The following CA10 variants were observed in gnomAD, a reference collection of about 807,000 sequenced individuals.
CA10 encodes the protein carbonic anhydrase 10 (inactive), also known as carbonic anhydrase-related protein 10.
In CA10, 14 loss-of-function variants were observed where a neutral mutation model predicts 44.2. That is an observed-to-expected ratio of 0.32 (90% CI 0.21 to 0.50). CA10 has a LOEUF of 0.50. CA10 is among the 20% of genes least tolerant of loss of function. The pLI is 0.99. For missense variants in CA10, 350 were observed against 409.7 expected, an observed-to-expected ratio of 0.85 and a Z score of 1.26; for synonymous variants, 159 against 141.6, an observed-to-expected ratio of 1.12 and a Z score of -0.87.
chr17:51,751,501 G>A (rs1205403292), intron 3 of CA10, among the ~76,000 whole-genome samples: 1 of 152,212 alleles, frequency 6.6e-6, no homozygotes. Flanking sequence ...ACTAATATAT[G>A]TGATGGTCAC....
intron 3 of CA10, among the ~76,000 whole-genome samples, chr17:51,796,180 G>A (rs577296093): frequency 3.3e-5 from 5 of 152,152 alleles, no homozygotes; most frequent in Admixed American, 2.0e-4. Flanking sequence ...AGATGTTACC[G>A]ATGGAAAGCA....
chr17:51,850,014 G>A (rs1223476545), intron 3 of CA10, among the ~76,000 whole-genome samples: 1 of 152,200 alleles, frequency 6.6e-6, no homozygotes, highest in African/African-American at 2.4e-5. Flanking sequence ...TTCAAGGACA[G>A]GGAAATACAC....
chr17:51,818,555 T>C (rs1907652939), intron 3 of CA10, among the ~76,000 whole-genome samples: 1 of 152,232 alleles, frequency 6.6e-6, no homozygotes, highest in African/African-American at 2.4e-5. Flanking sequence ...ACTAGAACTC[T>C]GATCCTTGGT....
chr17:51,747,389 G>C (rs1181385310), intron 4 of CA10, among the ~76,000 whole-genome samples: 1 of 152,188 alleles, frequency 6.6e-6, no homozygotes, highest in Non-Finnish European at 1.5e-5. Context: ...AGTCTCAAGA[G>C]AGCTGCAACA....
intron 2 of CA10, among the ~76,000 whole-genome samples, chr17:51,931,877 T>C (rs143364204): frequency 1.3e-5 from 2 of 152,304 alleles, no homozygotes; most frequent in East Asian, 3.9e-4. Flanking sequence ...GATTTCTCTC[T>C]ATTTAAGAAA....
At chr17:51,732,121 T>C (rs777809189) in intron 4 of CA10, among the ~76,000 whole-genome samples, 3 of 152,350 alleles carry the variant, frequency 2.0e-5, no homozygotes, top group Non-Finnish European at 2.9e-5. Flanking sequence ...TCAAATGTGC[T>C]TGCTTGAAGC....
rs185294733 is a variant in CA10, at chr17:51,699,168, A to G, written c.466-45432T>C. On this transcript the variant is annotated intron_variant, in intron 4 of 8. Transcript: ENST00000451037. ...AAACCCCGTCTCTACTAAAAATACA[A>G]AAAAATTACCCAGGTATGGTGGCGG... Among the ~76,000 whole-genome samples, 76 of 151,876 alleles carry G rather than the reference A, an allele frequency of 5.0e-4. 1 individual carries two copies. Among genetic ancestry groups the G allele is most frequent in the African/African-American group, 1.8e-3 (76 of 41,478 alleles).
At chr17:52,035,780 C>T (rs1266422796) in intron 2 of CA10, among the ~76,000 whole-genome samples, 1 of 152,224 alleles carries the variant, frequency 6.6e-6, no homozygotes, top group Non-Finnish European at 1.5e-5. Context: ...GCACTCTCTC[C>T]CATGAGGAGT....
intron 4 of CA10, among the ~76,000 whole-genome samples, chr17:51,668,787 G>A (rs1166893823): frequency 6.6e-6 from 1 of 152,168 alleles, no homozygotes; most frequent in African/African-American, 2.4e-5. Flanking sequence ...AGGCGCAGGT[G>A]TGAACCAGGG....
At chr17:51,786,738 T>A (rs1354648934) in intron 3 of CA10, among the ~76,000 whole-genome samples, 1 of 152,130 alleles carries the variant, frequency 6.6e-6, no homozygotes, top group Non-Finnish European at 1.5e-5. Context: ...AAAGTGGGCA[T>A]TCTTGTTATG....
intron 3 of CA10, among the ~76,000 whole-genome samples, chr17:51,767,725 G>C (rs1178800207): frequency 6.6e-6 from 1 of 151,340 alleles, no homozygotes; most frequent in East Asian, 1.9e-4. Context: ...GGAGCCCCGA[G>C]CTTTTTTTTT....
intron 2 of CA10, among the ~76,000 whole-genome samples, chr17:51,972,784 A>G (rs768161907): frequency 3.3e-5 from 5 of 152,164 alleles, no homozygotes; most frequent in African/African-American, 7.2e-5. Context: ...AAGAAAAAAA[A>G]AACAGAAATC....
intron 1 of CA10, among the ~76,000 whole-genome samples, chr17:52,131,571 A>T (rs983133774): frequency 6.6e-6 from 1 of 152,218 alleles, no homozygotes; most frequent in Non-Finnish European, 1.5e-5. Context: ...TTAATAAAGA[A>T]GTCCAGGTGG....
intron 4 of CA10, among the ~76,000 whole-genome samples, chr17:51,732,870 T>C (rs929976843): frequency 3.3e-5 from 5 of 152,012 alleles, no homozygotes; most frequent in Admixed American, 2.6e-4. Flanking sequence ...AAAAGACAGC[T>C]CATGGGGAGA....
At chr17:52,092,538 G>A (rs1331669457) in intron 1 of CA10, among the ~76,000 whole-genome samples, 3 of 152,100 alleles carry the variant, frequency 2.0e-5, no homozygotes, top group Admixed American at 6.6e-5. Context: ...CGTGATACAA[G>A]GCTATTCTTC....
intron 1 of CA10, among the ~76,000 whole-genome samples, chr17:52,093,080 T>C (rs991744569): frequency 5.9e-5 from 9 of 152,240 alleles, no homozygotes; most frequent in African/African-American, 2.2e-4. Flanking sequence ...TAAAGTCAGT[T>C]TCCAAGAATC....
At chr17:52,068,123 A>G (rs1465789279) in intron 2 of CA10, among the ~76,000 whole-genome samples, 1 of 152,196 alleles carries the variant, frequency 6.6e-6, no homozygotes, top group African/African-American at 2.4e-5. Context: ...CCTAAATCTC[A>G]TTTTGAATTA....
chr17:52,040,742 C>G (rs930432292), intron 2 of CA10, among the ~76,000 whole-genome samples: 1 of 151,906 alleles, frequency 6.6e-6, no homozygotes, highest in African/African-American at 2.4e-5. Context: ...GTTCAGAGTT[C>G]GGAGAGACCA....
intron 3 of CA10, among the ~76,000 whole-genome samples, chr17:51,784,294 A>G (rs963749462): frequency 2.0e-5 from 3 of 152,166 alleles, no homozygotes; most frequent in Non-Finnish European, 4.4e-5. Flanking sequence ...GCTGCTGCCC[A>G]GAGCCCAGGA....
Sources: allele counts gnomAD v4.1 joint callset (sites outside exome capture counted in the v4.1 genomes callset), GRCh38; gene constraint gnomAD v4.1.1; transcripts MANE v1.5; gene names NCBI Gene and HGNC (gene_info 2026-07-23, HGNC 2026-07-21).